Variants in ANKRD44 observed in about 807,000 individuals in gnomAD.
ANKRD44 encodes ankyrin repeat domain 44.
A neutral mutation model predicts 116.0 loss-of-function variants in ANKRD44; 35 were observed. The observed-to-expected ratio is 0.30, with a 90% confidence interval of 0.23 to 0.40. The LOEUF (loss-of-function observed/expected upper bound fraction) is 0.40, where lower values mean the gene tolerates loss of function less well. Among genes scored for constraint, ANKRD44 ranks in the 10% least tolerant of loss-of-function variants. The pLI is 1.00. For synonymous variants in ANKRD44, 435 were observed against 461.8 expected (o/e 0.94, Z 0.74); for missense variants, 1,014 against 1,242.6 (o/e 0.82, Z 2.77).
intron 2 of ANKRD44, among the ~76,000 whole-genome samples, chr2:197,184,511 G>C (rs1559132000): frequency 1.3e-5 from 2 of 151,836 alleles, no homozygotes; most frequent in African/African-American, 4.8e-5. Flanking sequence ...CATGATGGCG[G>C]GTGCCTGTAA....
At chr2:197,124,896 G>T (rs780269540) in intron 6 of ANKRD44, among the ~76,000 whole-genome samples, 1 of 152,192 alleles carries the variant, frequency 6.6e-6, no homozygotes, top group Non-Finnish European at 1.5e-5. Flanking sequence ...GTCGTCAGTG[G>T]ACTATCAGGA....
downstream of ANKRD44, among the ~76,000 whole-genome samples, chr2:196,983,320 T>G (rs2075814768): frequency 6.6e-6 from 1 of 152,194 alleles, no homozygotes; most frequent in Non-Finnish European, 1.5e-5. Context: ...TCACAAAATT[T>G]TATGTCTGGG....
At chr2:197,195,312 G>A (rs755229407) in intron 1 of ANKRD44, among the ~76,000 whole-genome samples, 10 of 152,056 alleles carry the variant, frequency 6.6e-5, no homozygotes, top group Non-Finnish European at 1.2e-4. Context: ...CAGGAATGGG[G>A]GTCATGAGCA....
At chr2:196,985,256 G>C (rs1412443475), downstream of ANKRD44, among the ~76,000 whole-genome samples, 2 of 152,244 alleles carry the variant, frequency 1.3e-5, no homozygotes, top group East Asian at 3.9e-4. Flanking sequence ...CAGGCTGTGA[G>C]AGACCCTGGA....
At chr2:197,297,135 C>T (rs2083747165) in intron 1 of ANKRD44, among the ~76,000 whole-genome samples, 2 of 152,134 alleles carry the variant, frequency 1.3e-5, no homozygotes, top group Admixed American at 1.3e-4. Context: ...ACAAATTGAT[C>T]CTCCTAGATC....
At chr2:197,261,743 C>T (rs186289409) in intron 1 of ANKRD44, among the ~76,000 whole-genome samples, 14 of 152,184 alleles carry the variant, frequency 9.2e-5, no homozygotes, top group South Asian at 6.2e-4. Flanking sequence ...TGAGACTTTT[C>T]GTTGCTAAAC....
At chr2:197,107,516 G>GT (rs147912843) in intron 9 of ANKRD44, among the ~76,000 whole-genome samples, 5,645 of 148,754 alleles carry the variant, frequency 0.038, 355 homozygotes, top group African/African-American at 0.13. Flanking sequence ...AAAGAGTGGG[G>GT]TTTTTTTTTT....
At position 196,986,998 on chromosome 2, in the gene ANKRD44, A is replaced by G; in HGVS notation, c.*2593T>C. 1 of 985,396 alleles carries G rather than the reference A, an allele frequency of 1.0e-6. No individual in the cohort carries two copies. Among genetic ancestry groups the G allele is most frequent in the Non-Finnish European group, 1.2e-6 (1 of 829,846 alleles). 61.0% of individuals were successfully genotyped at this position (985,396 alleles called of 1,614,324 possible). ...ATAACACTGGCACCAGATTTGTATCATCGTGCTTTACAAAGATATATTGCA... is the reference window on the plus strand; with the variant it reads ...ATAACACTGGCACCAGATTTGTATCGTCGTGCTTTACAAAGATATATTGCA... On this transcript the variant is annotated 3_prime_UTR_variant, in exon 28 of 28. Coordinates refer to ENST00000282272, the MANE Select transcript of ANKRD44 (RefSeq NM_001195144.2).
At chr2:197,199,656 T>C (rs2081048971) in intron 1 of ANKRD44, among the ~76,000 whole-genome samples, 1 of 152,000 alleles carries the variant, frequency 6.6e-6, no homozygotes, top group South Asian at 2.1e-4. Flanking sequence ...TCCAGGGTGG[T>C]CTCAAATTCT....
chr2:197,183,675 A>AGGGAGAG (rs57882015), intron 2 of ANKRD44, among the ~76,000 whole-genome samples: 33,814 of 151,960 alleles, frequency 0.22, 3,918 homozygotes, highest in Middle Eastern at 0.27. Context: ...GGGGAGTTAA[A>AGGGAGAG]GGGAGAGTCT....
At chr2:197,238,271 A>G (rs1338810678) in intron 1 of ANKRD44, among the ~76,000 whole-genome samples, 1 of 152,198 alleles carries the variant, frequency 6.6e-6, no homozygotes, top group Non-Finnish European at 1.5e-5. Flanking sequence ...TATAGTAGGC[A>G]CTCATTACAT....
Position 197,246,630 on chromosome 2 carries a change from T to C in ANKRD44, c.28-59524A>G, listed in dbSNP as rs551403072. ...CAACCCCCTATGCAATCTTTTCCCA[T>C]TGTAGCCACCTTACCCTGTGTTGCT... On this transcript the variant is annotated intron_variant, in intron 1 of 27. Coordinates refer to ENST00000282272, the MANE Select transcript of ANKRD44 (RefSeq NM_001195144.2). Among the ~76,000 whole-genome samples, 24 of 152,126 alleles carry C rather than the reference T, an allele frequency of 1.6e-4. 1 individual carries two copies. In the East Asian group the frequency reaches 4.4e-3, roughly 28 times the overall value.
intron 18 of ANKRD44, among the ~76,000 whole-genome samples, chr2:197,009,647 G>A (rs1426416095): frequency 1.3e-5 from 2 of 152,162 alleles, no homozygotes; most frequent in Non-Finnish European, 2.9e-5. Flanking sequence ...GGGATTACAG[G>A]CATGAGCCAC....
chr2:197,105,865 C>T (rs1430439524), intron 9 of ANKRD44, among the ~76,000 whole-genome samples: 7 of 152,170 alleles, frequency 4.6e-5, no homozygotes, highest in Admixed American at 3.3e-4. Flanking sequence ...CCCCAGCTGT[C>T]GAGCTGATCC....
In ANKRD44 at chr2:197,013,770, A is replaced by C. The variant is rs890461287; in HGVS notation, c.1723-58T>G. The stretch of plus-strand genomic sequence containing the variant: ...GCTCGCTCACCTCAAATCCCGCCAC[A>C]GTCCACAGGAGGGGCTGGGCTTCCT... On this transcript the variant is annotated intron_variant, in intron 17 of 27. Coordinates refer to ENST00000282272, the MANE Select transcript of ANKRD44 (RefSeq NM_001195144.2). 4 of 1,583,032 alleles carry C rather than the reference A, an allele frequency of 2.5e-6. No homozygotes were observed. The African/African-American group carries it at 5.4e-5, about 21-fold the overall frequency.
At chr2:197,177,650 C>T (rs1203069236) in intron 2 of ANKRD44, among the ~76,000 whole-genome samples, 2 of 151,428 alleles carry the variant, frequency 1.3e-5, no homozygotes, top group African/African-American at 2.4e-5. Context: ...AAATATAATA[C>T]ATGGTCAGTG....
chr2:197,038,818 A>G (rs557824205), intron 16 of ANKRD44, among the ~76,000 whole-genome samples: 1 of 152,258 alleles, frequency 6.6e-6, no homozygotes, highest in Non-Finnish European at 1.5e-5. Flanking sequence ...GGGATAAGGC[A>G]TCGTGGTTGC....
intron 6 of ANKRD44, among the ~76,000 whole-genome samples, 169 bp downstream of exon 6, chr2:197,125,212 C>G (rs1359590630): frequency 6.6e-6 from 1 of 152,188 alleles, no homozygotes; most frequent in Non-Finnish European, 1.5e-5. Context: ...AGCAACTGCC[C>G]GACTGGAGTG....
At chr2:197,085,692 A>ACCC (rs56075993) in intron 13 of ANKRD44, among the ~76,000 whole-genome samples, 18,933 of 151,872 alleles carry the variant, frequency 0.12, 1,396 homozygotes, top group Non-Finnish European at 0.17. Context: ...TGAATAATCC[A>ACCC]CCCCTTGTTT....
Sources: allele counts gnomAD v4.1 joint callset (sites outside exome capture counted in the v4.1 genomes callset), GRCh38; gene constraint gnomAD v4.1.1; transcripts MANE v1.5; gene names NCBI Gene and HGNC (gene_info 2026-07-23, HGNC 2026-07-21).